The following NELL1 variants were observed in gnomAD, a reference collection of about 807,000 sequenced individuals.
NELL1 encodes the protein neural EGFL like 1.
A neutral mutation model predicts 107.4 loss-of-function variants in NELL1; 76 were observed. That is an observed-to-expected ratio of 0.71 (90% confidence interval 0.59 to 0.86). The LOEUF is 0.86. Among genes scored for constraint, NELL1 ranks in the 40% least tolerant of loss-of-function variants. The probability of loss-of-function intolerance (pLI) is 0.00; values close to 1 mark genes in which losing one functional copy is unlikely to be tolerated. For missense variants in NELL1, 1,024 were observed against 1,005.5 expected (o/e 1.02, Z -0.25); for synonymous variants, 353 against 341.2 (o/e 1.03, Z -0.38).
chr11:21,169,620 T>G (rs1298821513), intron 13 of NELL1: 1 of 360,452 alleles, frequency 2.8e-6, no homozygotes, highest in South Asian at 6.1e-5. Context: ...GCATGCATTC[T>G]TTCCCATATT....
At chr11:21,302,170 G>A (rs373594445) in intron 14 of NELL1, among the ~76,000 whole-genome samples, 4 of 152,070 alleles carry the variant, frequency 2.6e-5, no homozygotes, top group Non-Finnish European at 1.5e-5. Flanking sequence ...GGCTCAGCTG[G>A]GTGGTTCTTC....
chr11:21,021,374 A>G (rs1852697220), intron 12 of NELL1, among the ~76,000 whole-genome samples: 1 of 152,036 alleles, frequency 6.6e-6, no homozygotes, highest in African/African-American at 2.4e-5. Flanking sequence ...TGAATGATCA[A>G]TTAACTATGG....
intron 12 of NELL1, among the ~76,000 whole-genome samples, chr11:21,021,012 A>AACACACACACACACACACACACAC (rs56813080): frequency 2.9e-5 from 4 of 140,224 alleles, no homozygotes; most frequent in East Asian, 4.3e-4. Flanking sequence ...AGAAACTTAG[A>AACACACACACACACACACACACAC]ACACACACAC....
At chr11:21,088,621 C>A (rs1288413955) in intron 12 of NELL1, among the ~76,000 whole-genome samples, 1 of 152,166 alleles carries the variant, frequency 6.6e-6, no homozygotes, top group Non-Finnish European at 1.5e-5. Context: ...TAATCTTATG[C>A]TGCCTATACA....
intron 13 of NELL1, among the ~76,000 whole-genome samples, chr11:21,170,975 T>A (rs767244168): frequency 9.0e-4 from 137 of 151,852 alleles, no homozygotes; most frequent in Non-Finnish European, 1.6e-3. Flanking sequence ...ATGGCAAGCT[T>A]TGGGCACATA....
rs534786614 is a variant in NELL1, at chr11:21,412,036, T to C, written c.1645+41088T>C. On this transcript the variant is annotated intron_variant, in intron 15 of 19. Transcript: ENST00000357134. ...TCACCCCAGGCCATAGTAGGAGACA[T>C]AAATTTGTGATGACAGAGTTTGAAG... 6.6e-5 allele frequency among the ~76,000 whole-genome samples: 10 copies of C among 152,230 alleles called. No homozygotes were observed. The South Asian group carries it at 2.1e-3, about 32-fold the overall frequency.
chr11:20,715,013 G>A (rs1855207462), intron 2 of NELL1, among the ~76,000 whole-genome samples: 1 of 152,130 alleles, frequency 6.6e-6, no homozygotes, highest in South Asian at 2.1e-4. Flanking sequence ...GGAGGCCAAG[G>A]CGGGCGGATC....
intron 16 of NELL1, among the ~76,000 whole-genome samples, chr11:21,547,354 A>G (rs922626397): frequency 2.8e-4 from 43 of 151,934 alleles, no homozygotes; most frequent in Non-Finnish European, 4.9e-4. Flanking sequence ...TCCAGTGTAG[A>G]TGAAGCACGT....
chr11:21,044,965 GA>G (rs1443995228), intron 12 of NELL1, among the ~76,000 whole-genome samples: 1 of 152,158 alleles, frequency 6.6e-6, no homozygotes, highest in African/African-American at 2.4e-5. Context: ...TTAGTTGTGT[GA>G]AAGCACAGAA....
chr11:20,719,419 AAC>A (rs10609543), intron 2 of NELL1, among the ~76,000 whole-genome samples: 1,979 of 151,220 alleles, frequency 0.013, 21 homozygotes, highest in African/African-American at 0.034. Context: ...TACTATTAAA[AAC>A]ACACACACAC....
chr11:21,248,299 T>C (rs1858546074), intron 14 of NELL1, among the ~76,000 whole-genome samples: 1 of 149,934 alleles, frequency 6.7e-6, no homozygotes, highest in African/African-American at 2.5e-5. Context: ...TGATCCGAGA[T>C]CATGCCACTG....
intron 16 of NELL1, among the ~76,000 whole-genome samples, chr11:21,559,827 G>T (rs913601219): frequency 1.3e-5 from 2 of 152,022 alleles, no homozygotes; most frequent in African/African-American, 4.8e-5. Flanking sequence ...GGATGAAATC[G>T]TTCTTAAGAA....
chr11:21,564,299 A>G (rs899505277), intron 17 of NELL1, among the ~76,000 whole-genome samples: 1 of 151,974 alleles, frequency 6.6e-6, no homozygotes, highest in African/African-American at 2.4e-5. Context: ...GAGAAAATGC[A>G]GAAGTGAAAA....
chr11:21,385,054 C>A (rs573234383), intron 15 of NELL1, among the ~76,000 whole-genome samples: 1 of 151,996 alleles, frequency 6.6e-6, no homozygotes, highest in African/African-American at 2.4e-5. Flanking sequence ...CTATGAAAAA[C>A]GTTTCTGCAC....
chr11:21,552,142 T>G (rs1412728878), intron 16 of NELL1, among the ~76,000 whole-genome samples: 5 of 72,230 alleles, frequency 6.9e-5, no homozygotes, highest in Admixed American at 2.0e-4. Context: ...TGTTGTGGGG[T>G]GGGGGGAGGG....
intron 3 of NELL1, among the ~76,000 whole-genome samples, chr11:20,812,265 C>A (rs1857517153): frequency 6.6e-6 from 1 of 152,124 alleles, no homozygotes; most frequent in African/African-American, 2.4e-5. Flanking sequence ...GTGAACCATC[C>A]TTGCATCCCT....
chr11:20,779,733 C>T (rs898854904), intron 2 of NELL1, among the ~76,000 whole-genome samples: 2 of 152,190 alleles, frequency 1.3e-5, no homozygotes, highest in East Asian at 1.9e-4. Context: ...ATGGAATTTG[C>T]TCTCAGTGCT....
intron 2 of NELL1, among the ~76,000 whole-genome samples, chr11:20,680,465 C>T (rs974133623): frequency 6.6e-6 from 1 of 152,020 alleles, no homozygotes; most frequent in Non-Finnish European, 1.5e-5. Flanking sequence ...GGGTATAATC[C>T]ATTTTGGGGG....
At chr11:21,263,981 C>A (rs1319455716) in intron 14 of NELL1, among the ~76,000 whole-genome samples, 4 of 151,534 alleles carry the variant, frequency 2.6e-5, no homozygotes, top group African/African-American at 9.7e-5. Flanking sequence ...ATTTAGCCAA[C>A]CATGTTTATT....
Sources: gnomAD v4.1 joint callset for allele counts (sites outside exome capture counted in the v4.1 genomes callset) on GRCh38, gnomAD v4.1.1 for gene constraint, MANE v1.5 for transcripts, NCBI Gene and HGNC (gene_info 2026-07-23, HGNC 2026-07-21) for gene names.